Variants in SHISA9 observed in about 807,000 individuals in gnomAD.
SHISA9 encodes protein shisa-9.
SHISA9 carries 13 observed loss-of-function variants against 38.0 expected under a neutral mutation model. The ratio of observed to expected loss-of-function variants is 0.34; its 90% CI spans 0.22 to 0.54. The LOEUF (loss-of-function observed/expected upper bound fraction) is 0.54. Among genes scored for constraint, SHISA9 ranks in the 20% least tolerant of loss-of-function variants. The pLI is 0.91. For synonymous variants in SHISA9, 275 were observed against 242.0 expected, an observed-to-expected ratio of 1.14 and a Z score of -1.27; for missense variants, 538 against 575.8, an observed-to-expected ratio of 0.93 and a Z score of 0.67.
At chr16:13,353,452 A>G in the SHISA9 span, among the ~76,000 whole-genome samples, 1 of 152,154 alleles carries the variant, frequency 6.6e-6, no homozygotes, top group African/African-American at 2.4e-5. Flanking sequence ...GGATAGCACC[A>G]GGAGATATCA....
chr16:13,427,370 A>G, the SHISA9 span, among the ~76,000 whole-genome samples: 3 of 152,184 alleles, frequency 2.0e-5, no homozygotes, highest in East Asian at 5.8e-4. Flanking sequence ...TTCTGACTTG[A>G]CTCTTCACCC....
intron 2 of SHISA9, among the ~76,000 whole-genome samples, chr16:13,124,031 C>A (rs1210369176): frequency 2.0e-5 from 3 of 152,184 alleles, no homozygotes; most frequent in African/African-American, 7.2e-5. Context: ...GAATACTCCC[C>A]CTGTGAGGAA....
intron 4 of SHISA9, among the ~76,000 whole-genome samples, chr16:13,221,286 A>G (rs1016072049): frequency 1.3e-5 from 2 of 152,146 alleles, no homozygotes; most frequent in Non-Finnish European, 2.9e-5. Flanking sequence ...TTCACCATAA[A>G]GACAAATCTT....
intron 2 of SHISA9, among the ~76,000 whole-genome samples, chr16:13,170,652 G>T (rs539730743): frequency 6.8e-6 from 1 of 146,116 alleles, no homozygotes; most frequent in African/African-American, 2.5e-5. Context: ...ATAAAAGTTT[G>T]TTTGTTTGTT....
intron 2 of SHISA9, among the ~76,000 whole-genome samples, chr16:13,188,322 T>C (rs996392870): frequency 3.3e-5 from 5 of 152,194 alleles, no homozygotes; most frequent in Non-Finnish European, 7.4e-5. Flanking sequence ...ACATTTTCTT[T>C]TTCTCTTCCT....
the SHISA9 span, among the ~76,000 whole-genome samples, chr16:13,380,587 A>G: frequency 6.6e-6 from 1 of 152,214 alleles, no homozygotes; most frequent in Non-Finnish European, 1.5e-5. Context: ...AAGTTTTCAG[A>G]AAGCTGTTGC....
At chr16:13,247,408 A>G in the SHISA9 span, among the ~76,000 whole-genome samples, 1 of 152,104 alleles carries the variant, frequency 6.6e-6, no homozygotes, top group African/African-American at 2.4e-5. Context: ...AGGGTTCATA[A>G]CTCCATTTTA....
the SHISA9 span, among the ~76,000 whole-genome samples, chr16:13,317,109 C>A: frequency 2.6e-5 from 4 of 152,188 alleles, no homozygotes; most frequent in East Asian, 5.8e-4. Context: ...CTCCTTGAAT[C>A]TTTTCAAAAC....
At chr16:13,162,571 TC>T (rs1399989396) in intron 2 of SHISA9, among the ~76,000 whole-genome samples, 1 of 152,148 alleles carries the variant, frequency 6.6e-6, no homozygotes, top group Non-Finnish European at 1.5e-5. Flanking sequence ...ATCCAAACTC[TC>T]CTCTCTGGTA....
chr16:13,460,852 G>C, the SHISA9 span, among the ~76,000 whole-genome samples: 12 of 152,110 alleles, frequency 7.9e-5, no homozygotes, highest in Admixed American at 7.9e-4. Context: ...GGCAAATCCT[G>C]CCCCACATTC....
chr16:13,470,023 C>T, the SHISA9 span, among the ~76,000 whole-genome samples: 1 of 152,184 alleles, frequency 6.6e-6, no homozygotes, highest in Non-Finnish European at 1.5e-5. Context: ...GTTCTCTCTT[C>T]GTGATGGAAT....
the SHISA9 span, among the ~76,000 whole-genome samples, chr16:13,288,478 A>C: frequency 6.6e-6 from 1 of 151,988 alleles, no homozygotes; most frequent in African/African-American, 2.4e-5. Flanking sequence ...AGAGAGAGAC[A>C]AAGAGAGACA....
chr16:12,991,970 C>A (rs1438274182), intron 2 of SHISA9, among the ~76,000 whole-genome samples: 2 of 152,118 alleles, frequency 1.3e-5, no homozygotes, highest in Admixed American at 6.5e-5. Context: ...TAAAAAAAGT[C>A]ATCTGTAACT....
At chr16:13,434,508 C>A in the SHISA9 span, among the ~76,000 whole-genome samples, 1 of 149,972 alleles carries the variant, frequency 6.7e-6, no homozygotes, top group Non-Finnish European at 1.5e-5. Context: ...AGCTCCGCCT[C>A]CCAGGTTCAC....
At chr16:13,125,380 G>A (rs1277009954) in intron 2 of SHISA9, among the ~76,000 whole-genome samples, 6 of 152,210 alleles carry the variant, frequency 3.9e-5, no homozygotes, top group East Asian at 1.9e-4. Context: ...TGGAAGGAGT[G>A]TCTCAAATCC....
At chr16:13,035,061 T>C (rs577837163) in intron 2 of SHISA9, among the ~76,000 whole-genome samples, 44 of 152,350 alleles carry the variant, frequency 2.9e-4, no homozygotes, top group Admixed American at 1.4e-3. Flanking sequence ...ATTTGGTGGA[T>C]TGTCTGTTAA....
At chr16:12,927,799 A>G (rs867216190) in intron 2 of SHISA9, among the ~76,000 whole-genome samples, 3 of 152,120 alleles carry the variant, frequency 2.0e-5, no homozygotes, top group Admixed American at 6.5e-5. Flanking sequence ...GAACCACACC[A>G]TGGAGGGAGT....
intron 2 of SHISA9, among the ~76,000 whole-genome samples, chr16:13,061,942 C>A (rs1268844129): frequency 6.6e-6 from 1 of 152,092 alleles, no homozygotes; most frequent in African/African-American, 2.4e-5. Flanking sequence ...TTAAGTTGGA[C>A]GGAGCTCAAT....
At chr16:12,999,820 C>G (rs1284541796) in intron 2 of SHISA9, among the ~76,000 whole-genome samples, 5 of 152,178 alleles carry the variant, frequency 3.3e-5, no homozygotes, top group African/African-American at 1.2e-4. Flanking sequence ...GGATATACTC[C>G]TGCTTCCCGC....
Sources: gnomAD v4.1 joint callset for allele counts (sites outside exome capture counted in the v4.1 genomes callset) on GRCh38, gnomAD v4.1.1 for gene constraint, MANE v1.5 for transcripts, NCBI Gene and HGNC (gene_info 2026-07-23, HGNC 2026-07-21) for gene names.